The following JPH3 variants were observed in gnomAD, a reference collection of about 807,000 sequenced individuals.
The protein encoded by JPH3 is junctophilin-3.
Under a neutral mutation model 59.6 loss-of-function variants are expected in JPH3, and 11 were observed. The ratio of observed to expected loss-of-function variants is 0.18; its 90% confidence interval spans 0.12 to 0.31. The LOEUF is 0.31. Among genes scored for constraint, JPH3 ranks in the 10% least tolerant of loss-of-function variants. The probability of loss-of-function intolerance (pLI) is 1.00; values close to 1 mark genes in which losing one functional copy is unlikely to be tolerated. For missense variants in JPH3, 1,202 were observed against 1,105.7 expected (o/e 1.09, Z -1.24); for synonymous variants, 673 against 483.6 (o/e 1.39, Z -5.14).
intron 2 of JPH3, among the ~76,000 whole-genome samples, chr16:87,646,497 C>A (rs1307796046): frequency 6.6e-6 from 1 of 152,180 alleles, no homozygotes; most frequent in Non-Finnish European, 1.5e-5. Context: ...AAATTAGAAT[C>A]AGTAGTTATT....
intron 2 of JPH3, among the ~76,000 whole-genome samples, chr16:87,678,937 C>T (rs576059166): frequency 2.6e-5 from 4 of 152,224 alleles, no homozygotes; most frequent in African/African-American, 9.6e-5. Context: ...GGTGTGACTT[C>T]TTGATTTTGG....
At chr16:87,633,602 C>T (rs892420321) in intron 1 of JPH3, among the ~76,000 whole-genome samples, 1 of 151,946 alleles carries the variant, frequency 6.6e-6, no homozygotes, top group Non-Finnish European at 1.5e-5. Flanking sequence ...AGTTTGAGAC[C>T]AGCCTGGCCA....
intron 2 of JPH3, among the ~76,000 whole-genome samples, chr16:87,678,943 T>C (rs1304429907): frequency 3.3e-5 from 5 of 152,152 alleles, no homozygotes; most frequent in South Asian, 2.1e-4. Flanking sequence ...ACTTCTTGAT[T>C]TTGGACTCCG....
At chr16:87,649,992 G>T (rs73238263) in intron 2 of JPH3, among the ~76,000 whole-genome samples, 1,945 of 152,334 alleles carry the variant, frequency 0.013, 46 homozygotes, top group African/African-American at 0.042. Flanking sequence ...GTTTTGCAAA[G>T]CAGAAACCCA....
intron 1 of JPH3, among the ~76,000 whole-genome samples, chr16:87,627,109 G>C (rs55655706): frequency 0.15 from 23,603 of 152,292 alleles, 2,276 homozygotes; most frequent in Non-Finnish European, 0.22. Context: ...TCTCTGGGCC[G>C]GGGGGCGAGG....
rs1002289439 is a variant in JPH3, at chr16:87,611,292, G to A, written c.382+7764G>A. Reference sequence around the variant, plus strand: ...CCACAGGGCAGGGACCTGAGGAGGGGCAGGGCAGGTGTGTGTGTCCCTGAA... The same window carrying A: ...CCACAGGGCAGGGACCTGAGGAGGGACAGGGCAGGTGTGTGTGTCCCTGAA... On this transcript the variant is annotated intron_variant, in intron 1 of 4. Coordinates refer to ENST00000284262, the MANE Select transcript of JPH3 (RefSeq NM_020655.4). The surrounding 1 kb of genome is among the most constrained non-coding windows in gnomAD (Gnocchi z 4.5). 9.8e-5 allele frequency among the ~76,000 whole-genome samples: 15 copies of A among 152,304 alleles called. No homozygotes were observed. Among genetic ancestry groups the A allele is most frequent in the Admixed American group, 7.2e-4 (11 of 15,308 alleles).
At chr16:87,665,972 C>G (rs944103440) in intron 2 of JPH3, among the ~76,000 whole-genome samples, 1 of 152,214 alleles carries the variant, frequency 6.6e-6, no homozygotes, top group East Asian at 1.9e-4. Context: ...ACCTCCTCAC[C>G]AGGTACTAAA....
intron 1 of JPH3, among the ~76,000 whole-genome samples, chr16:87,614,521 T>C (rs140475169): frequency 2.9e-4 from 41 of 143,172 alleles, no homozygotes; most frequent in Non-Finnish European, 3.8e-4. Flanking sequence ...CGCAGGTCCA[T>C]GCACACAGGA....
At position 87,689,886 on chromosome 16, in the gene JPH3, A is replaced by C; in HGVS notation, c.1526A>C (p.Glu509Ala). Residue 509 changes from glutamate to alanine, a missense_variant, in exon 4 of 5, where the codon GAG (glutamate) becomes GCG (alanine). Transcript: ENST00000284262. The stretch of plus-strand genomic sequence containing the variant: ...TTCTCGAGGCAGGTGTCGGTGGACG[A>C]GGAGCGGGGCGGGGACATCCAGATG... ...AHFSRQVSVD[E>A]ERGGDIQMLL... 4.7e-6 allele frequency: 7 copies of C among 1,481,192 alleles called. No homozygotes were observed. Among genetic ancestry groups the C allele is most frequent in the Non-Finnish European group, 6.3e-6 (7 of 1,115,696 alleles). The allele number at this position is 1,481,192 out of a possible 1,614,324, so 91.8% of individuals were successfully genotyped here.
chr16:87,636,474 C>A (rs755198445), intron 1 of JPH3, among the ~76,000 whole-genome samples: 1 of 152,164 alleles, frequency 6.6e-6, no homozygotes, highest in Non-Finnish European at 1.5e-5. Context: ...ACCGAGGGAG[C>A]GAGGGAGAGG....
chr16:87,646,849 T>G (rs2032170037), intron 2 of JPH3, among the ~76,000 whole-genome samples: 1 of 152,222 alleles, frequency 6.6e-6, no homozygotes, highest in Non-Finnish European at 1.5e-5. Flanking sequence ...CCTGCAGGAC[T>G]GAGCTTATTT....
In JPH3 at chr16:87,690,149, G is replaced by A. The variant is rs774104417; in HGVS notation, c.1789G>A (p.Gly597Ser). The change falls in exon 4 of 5, where the codon GGC becomes AGC. Residue 597 changes from glycine to serine, a missense_variant. Gly to Ser is a moderately conservative substitution (Grantham distance 56, BLOSUM62 0). Coordinates refer to ENST00000284262, the MANE Select transcript of JPH3 (RefSeq NM_020655.4). ...HHRASNHSPG[G>S]SRLLELQEEK... is the part of the protein sequence containing the mutation. Reference sequence around the variant, plus strand: ...CCGGGCCAGCAACCACAGCCCCGGAGGCTCCAGGCTGCTGGAGCTGCAGGA... The same window carrying A: ...CCGGGCCAGCAACCACAGCCCCGGAAGCTCCAGGCTGCTGGAGCTGCAGGA... The A allele has an allele frequency of 6.3e-7, 1 of 1,597,992 alleles. No individual in the cohort carries two copies. The highest frequency in any genetic ancestry group is 1.1e-5 in the South Asian group (1 of 88,546).
rs1365482608 is a variant in JPH3 at position 87,697,753 on chromosome 16, G to A, written c.*1093G>A. On this transcript the variant is annotated 3_prime_UTR_variant, in exon 5 of 5. Transcript: ENST00000284262. ...GTGGCTTGAAACTTCCTGAGAAACT[G>A]TAGCATATCCAGCCCCCTAAAATGT... 1 of 152,242 alleles carries A rather than the reference G, an allele frequency of 6.6e-6. No individual in the cohort carries two copies. Among genetic ancestry groups the A allele is most frequent in the Admixed American group, 6.5e-5 (1 of 15,288 alleles). 9.4% of individuals were successfully genotyped at this position (152,242 alleles called of 1,614,324 possible). A position where few individuals can be genotyped will look rare whatever the true frequency, so the allele number is the denominator to read the frequency against.
rs1229053611 is a variant in JPH3, at chr16:87,696,797, G to A, written c.*137G>A. On this transcript the variant is annotated 3_prime_UTR_variant, in exon 5 of 5. Transcript: ENST00000284262. ...AAGTCCTCTCACAGAAGAACCACACGATTGGGTATCACTCACAGTTTGCCT... is the reference window on the plus strand; with the variant it reads ...AAGTCCTCTCACAGAAGAACCACACAATTGGGTATCACTCACAGTTTGCCT... 1.4e-5 allele frequency: 10 copies of A among 705,202 alleles called. No individual in the cohort carries two copies. Among genetic ancestry groups the A allele is most frequent in the African/African-American group, 3.6e-5 (2 of 56,228 alleles). 43.7% of individuals were successfully genotyped at this position (705,202 alleles called of 1,614,324 possible).
chr16:87,662,895 A>G (rs894821473), intron 2 of JPH3, among the ~76,000 whole-genome samples: 2 of 152,150 alleles, frequency 1.3e-5, no homozygotes, highest in Non-Finnish European at 2.9e-5. Flanking sequence ...CTGCAGGGAA[A>G]AGCACCGGCT....
At chr16:87,614,645 C>T (rs985197597) in intron 1 of JPH3, among the ~76,000 whole-genome samples, 24 of 150,484 alleles carry the variant, frequency 1.6e-4, no homozygotes, top group African/African-American at 5.7e-4. Flanking sequence ...TGCGCCTCCC[C>T]GTCCCAGGAT....
At chr16:87,620,488 A>AGAGGGGGAGAGAAGAGAGG (rs1555534455) in intron 1 of JPH3, among the ~76,000 whole-genome samples, 6 of 99,972 alleles carry the variant, frequency 6.0e-5, no homozygotes, top group East Asian at 3.9e-4. Context: ...GAAGAGAGGG[A>AGAGGGGGAGAGAAGAGAGG]GAGGGGGAGG....
At chr16:87,660,045 G>A (rs796189834) in intron 2 of JPH3, among the ~76,000 whole-genome samples, 4 of 151,644 alleles carry the variant, frequency 2.6e-5, no homozygotes, top group African/African-American at 9.7e-5. Context: ...GGGGTACCAA[G>A]CCCCAGCCCT....
At chr16:87,685,126 C>T (rs2150875509) in intron 3 of JPH3, among the ~76,000 whole-genome samples, 1 of 152,334 alleles carries the variant, frequency 6.6e-6, no homozygotes, top group African/African-American at 2.4e-5. Context: ...GGATGAGGAG[C>T]CCAGCCTGGG....
Sources: allele counts gnomAD v4.1 joint callset (sites outside exome capture counted in the v4.1 genomes callset), GRCh38; gene constraint gnomAD v4.1.1; non-coding constraint Gnocchi (gnomAD v3.1); transcripts MANE v1.5; gene names NCBI Gene and HGNC (gene_info 2026-07-23, HGNC 2026-07-21).